The following CNTN5 variants were observed in gnomAD, a reference collection of about 807,000 sequenced individuals.
CNTN5 encodes the protein contactin-5.
In CNTN5, 77 loss-of-function variants were observed where a neutral mutation model predicts 129.1. The observed-to-expected ratio is 0.60, with a 90% CI of 0.50 to 0.72. The LOEUF (loss-of-function observed/expected upper bound fraction) is 0.72. CNTN5 is among the 30% of genes least tolerant of loss of function. The probability of loss-of-function intolerance (pLI) is 0.00; values close to 1 mark genes in which losing one functional copy is unlikely to be tolerated. For synonymous variants in CNTN5, 509 were observed against 465.6 expected, an observed-to-expected ratio of 1.09 and a Z score of -1.20; for missense variants, 1,478 against 1,328.8, an observed-to-expected ratio of 1.11 and a Z score of -1.75.
At chr11:99,680,547 A>T (rs1426152216) in intron 3 of CNTN5, among the ~76,000 whole-genome samples, 1 of 151,514 alleles carries the variant, frequency 6.6e-6, no homozygotes, top group Non-Finnish European at 1.5e-5. Context: ...AGAAAAAAAG[A>T]CTCATTTCAA....
chr11:100,061,406 A>G lies in CNTN5; in HGVS notation c.1162+13A>G. On this transcript the variant is annotated intron_variant, in intron 10 of 24. Transcript: ENST00000524871. ...TTACAAGTATACAGTAAGTGTTTTC[A>G]GCAAAGCATGATTGCTCTAGTCCCA... 1.0e-5 allele frequency: 16 copies of G among 1,529,130 alleles called. No individual in the cohort carries two copies. Among genetic ancestry groups the G allele is most frequent in the Non-Finnish European group, 1.4e-5 (16 of 1,121,788 alleles). The allele number at this position is 1,529,130 out of a possible 1,614,324, so 94.7% of individuals were successfully genotyped here. A position where few individuals can be genotyped will look rare whatever the true frequency, so the allele number is the denominator to read the frequency against.
At chr11:99,050,486 T>C (rs896345630) in intron 1 of CNTN5, among the ~76,000 whole-genome samples, 9 of 151,792 alleles carry the variant, frequency 5.9e-5, no homozygotes, top group African/African-American at 2.2e-4. Context: ...AAGTAAATAT[T>C]TCAAATAGAA....
intron 7 of CNTN5, among the ~76,000 whole-genome samples, chr11:99,924,861 A>C (rs1950025495): frequency 1.3e-5 from 2 of 152,160 alleles, no homozygotes; most frequent in African/African-American, 4.8e-5. Flanking sequence ...GTGATTAATG[A>C]ATCTGTTCAT....
chr11:99,660,576 T>C (rs1952559803), intron 3 of CNTN5, among the ~76,000 whole-genome samples: 1 of 152,112 alleles, frequency 6.6e-6, no homozygotes, highest in African/African-American at 2.4e-5. Flanking sequence ...ATTAGGGTAG[T>C]AACAGGGGAT....
chr11:99,554,719 C>T (rs1182903280), intron 2 of CNTN5, among the ~76,000 whole-genome samples: 1 of 152,094 alleles, frequency 6.6e-6, no homozygotes, highest in African/African-American at 2.4e-5. Context: ...GCTAACTCAA[C>T]TGTGCAGTTC....
chr11:99,896,053 A>T (rs1377625524), intron 6 of CNTN5, among the ~76,000 whole-genome samples: 2 of 152,070 alleles, frequency 1.3e-5, no homozygotes, highest in African/African-American at 2.4e-5. Flanking sequence ...CTCTGAGTGC[A>T]TAACTCCCAG....
intron 3 of CNTN5, among the ~76,000 whole-genome samples, chr11:99,799,542 A>G (rs773098624): frequency 6.6e-5 from 10 of 152,042 alleles, no homozygotes; most frequent in Admixed American, 3.9e-4. Context: ...CATGTGGTGA[A>G]CATTTACTGA....
chr11:100,065,784 G>A (rs867729789), intron 10 of CNTN5, among the ~76,000 whole-genome samples: 1 of 151,994 alleles, frequency 6.6e-6, no homozygotes, highest in Non-Finnish European at 1.5e-5. Context: ...ATATACTATA[G>A]TTAACATTTT....
chr11:99,760,744 T>C (rs1180467330), intron 3 of CNTN5, among the ~76,000 whole-genome samples: 1 of 152,088 alleles, frequency 6.6e-6, no homozygotes, highest in East Asian at 1.9e-4. Flanking sequence ...TTATACTGTT[T>C]TTCTTGTCAT....
In CNTN5 at chr11:99,698,569, G is replaced by A. The variant is rs148926055; in HGVS notation, c.56-120975G>A. Among the ~76,000 whole-genome samples the A allele has an allele frequency of 5.1e-3, 769 of 151,476 alleles. 7 individuals are homozygous for A. Among genetic ancestry groups the A allele is most frequent in the African/African-American group, 0.017 (710 of 41,462 alleles). ...ATACTTTAACACTACCTGCAGAGTC[G>A]CACATTATATGTTAACACTTCTAAA... On this transcript the variant is annotated intron_variant, in intron 3 of 24. Coordinates refer to ENST00000524871, the MANE Select transcript of CNTN5 (RefSeq NM_014361.4).
intron 2 of CNTN5, among the ~76,000 whole-genome samples, chr11:99,327,530 T>C (rs940714752): frequency 9.9e-5 from 15 of 152,196 alleles, no homozygotes; most frequent in Admixed American, 6.5e-5. Flanking sequence ...TGCACTCTTA[T>C]TATGCCATTT....
intron 2 of CNTN5, among the ~76,000 whole-genome samples, chr11:99,385,827 A>T (rs1940891660): frequency 6.6e-6 from 1 of 152,170 alleles, no homozygotes; most frequent in African/African-American, 2.4e-5. Flanking sequence ...GGAATTCCAT[A>T]TATGGATTGT....
chr11:99,504,501 G>A (rs113687718), intron 2 of CNTN5, among the ~76,000 whole-genome samples: 6,560 of 141,966 alleles, frequency 0.046, 184 homozygotes, highest in Middle Eastern at 0.081. Context: ...CTGCACGCCA[G>A]CCTGGGCAAC....
intron 3 of CNTN5, among the ~76,000 whole-genome samples, chr11:99,735,508 ATTTTTTGATCAGGAGATC>A (rs368036216): frequency 0.62 from 94,237 of 151,982 alleles, 30,449 homozygotes; most frequent in African/African-American, 0.8. Context: ...TTGACTCACT[ATTTTTTGATCAGGAGATC>A]AAAATTGTTT....
At chr11:100,060,412 G>T (rs1380349419) in intron 9 of CNTN5, among the ~76,000 whole-genome samples, 1 of 151,830 alleles carries the variant, frequency 6.6e-6, no homozygotes, top group Non-Finnish European at 1.5e-5. Flanking sequence ...TAACAAAACA[G>T]AAATATTACA....
intron 3 of CNTN5, among the ~76,000 whole-genome samples, chr11:99,714,827 A>G (rs11221097): frequency 0.11 from 15,520 of 144,464 alleles, 1,074 homozygotes; most frequent in South Asian, 0.31. Context: ...CAAACCACTT[A>G]GCCTGTTTGA....
chr11:99,600,261 A>G (rs2135702161), intron 3 of CNTN5, among the ~76,000 whole-genome samples: 1 of 152,216 alleles, frequency 6.6e-6, no homozygotes, highest in African/African-American at 2.4e-5. Context: ...ATGTAAATAT[A>G]TTTTCTCTAA....
At chr11:99,355,336 A>C (rs766989047) in intron 2 of CNTN5, among the ~76,000 whole-genome samples, 5 of 152,160 alleles carry the variant, frequency 3.3e-5, no homozygotes, top group Non-Finnish European at 7.3e-5. Flanking sequence ...ACAATGAGTA[A>C]ATATATATTG....
intron 6 of CNTN5, among the ~76,000 whole-genome samples, chr11:99,860,816 A>AT (rs951066877): frequency 4.0e-5 from 6 of 151,188 alleles, no homozygotes; most frequent in African/African-American, 9.7e-5. Flanking sequence ...GAATTTTAGA[A>AT]TTTTTTTTTA....
Sources: allele counts gnomAD v4.1 joint callset (sites outside exome capture counted in the v4.1 genomes callset), GRCh38; gene constraint gnomAD v4.1.1; transcripts MANE v1.5; gene names NCBI Gene and HGNC (gene_info 2026-07-23, HGNC 2026-07-21).